Variants in ELP4 observed in about 807,000 individuals in gnomAD.
ELP4 encodes elongator complex protein 4.
A neutral mutation model predicts 48.9 loss-of-function variants in ELP4; 51 were observed. The observed-to-expected ratio is 1.04, with a 90% CI of 0.83 to 1.32. The LOEUF (loss-of-function observed/expected upper bound fraction) is 1.32. ELP4 is among the 40% of genes most tolerant of loss of function. The pLI is 0.00. For synonymous variants in ELP4, 210 were observed against 189.2 expected, an observed-to-expected ratio of 1.11 and a Z score of -0.90; for missense variants, 519 against 514.6, an observed-to-expected ratio of 1.01 and a Z score of -0.08.
At chr11:31,740,883 A>C (rs1461140644) in intron 9 of ELP4, among the ~76,000 whole-genome samples, 1 of 152,012 alleles carries the variant, frequency 6.6e-6, no homozygotes, top group African/African-American at 2.4e-5. Flanking sequence ...GGAGTGCCAG[A>C]CAGTAGGTGC....
chr11:31,709,090 A>G (rs1013791913), intron 9 of ELP4, among the ~76,000 whole-genome samples: 5 of 152,158 alleles, frequency 3.3e-5, no homozygotes, highest in Admixed American at 2.6e-4. Context: ...TCTGATCTAT[A>G]CATCCTGTCA....
At chr11:31,688,211 A>G (rs1592224379) in intron 9 of ELP4, among the ~76,000 whole-genome samples, 1 of 152,292 alleles carries the variant, frequency 6.6e-6, no homozygotes, top group East Asian at 1.9e-4. Context: ...CCCTTTCTAC[A>G]AAGAATGGTG....
At chr11:31,714,834 C>T (rs1036729633) in intron 9 of ELP4, 5 of 398,372 alleles carry the variant, frequency 1.3e-5, no homozygotes, top group African/African-American at 2.1e-5. Flanking sequence ...CTCTCCTTCA[C>T]TTTTAAGGAT....
intron 3 of ELP4, among the ~76,000 whole-genome samples, chr11:31,540,505 G>A (rs60853440): frequency 0.027 from 4,035 of 152,080 alleles, 168 homozygotes; most frequent in African/African-American, 0.092. Context: ...TAATTTTGAA[G>A]AGATGAGGTC....
rs759938671 is a variant in ELP4, at chr11:31,775,572, C to T, written c.1144-7821C>T. On this transcript the variant is annotated intron_variant, in intron 9 of 9. Transcript: ENST00000640961. ...AGGGCAGGATGGACGTGGTAACTGA[C>T]GCCTGTAATCTCAGCACTTTCGGAG... is the stretch of plus-strand genomic sequence containing the variant. Among the ~76,000 whole-genome samples the T allele has an allele frequency of 3.9e-5, 6 of 152,124 alleles. No homozygotes were observed. In the East Asian group the frequency reaches 5.8e-4, roughly 15 times the overall value.
chr11:31,619,470 T>C (rs1320524150), intron 5 of ELP4, among the ~76,000 whole-genome samples: 3 of 151,914 alleles, frequency 2.0e-5, no homozygotes, highest in Non-Finnish European at 4.4e-5. Flanking sequence ...AAGATAAGGG[T>C]GCCAGCATAG....
At chr11:31,738,149 A>G (rs527930343) in intron 9 of ELP4, among the ~76,000 whole-genome samples, 1 of 149,736 alleles carries the variant, frequency 6.7e-6, no homozygotes, top group African/African-American at 2.5e-5. Flanking sequence ...TAATTCCAGC[A>G]CTTTGGGAGA....
chr11:31,760,264 G>C lies in ELP4; in HGVS notation c.1144-23129G>C, dbSNP rs17716464. ...GACTAAGCAGTATCTCATTTATTTG[G>C]CCTGCTGTTTCCTAATGGCACAACT... On this transcript the variant is annotated intron_variant, in intron 9 of 9. Coordinates refer to ENST00000640961, the MANE Select transcript of ELP4 (RefSeq NM_019040.5). Among the ~76,000 whole-genome samples, 538 of 152,206 alleles carry C rather than the reference G, an allele frequency of 3.5e-3. 2 individuals carry two copies. The highest frequency in any genetic ancestry group is 9.8e-3 in the South Asian group (47 of 4,814).
intron 9 of ELP4, among the ~76,000 whole-genome samples, chr11:31,773,563 A>G (rs900577446): frequency 1.3e-5 from 2 of 152,182 alleles, no homozygotes; most frequent in African/African-American, 4.8e-5. Flanking sequence ...AAGCAACTGG[A>G]CACAGAAGCA....
rs573504952 is a variant in ELP4, at chr11:31,641,920, C to T, written c.928-5821C>T. Among the ~76,000 whole-genome samples the T allele has an allele frequency of 3.1e-4, 47 of 151,944 alleles. No homozygotes were observed. In the South Asian group the frequency reaches 8.9e-3, roughly 29 times the overall value. The stretch of plus-strand genomic sequence containing the variant: ...TTAGCAATTGTTTTTCAAGGCAGGG[C>T]GTGAGCTTTTGGACATCTGTGAATT... On this transcript the variant is annotated intron_variant, in intron 7 of 9. Transcript: ENST00000640961.
At chr11:31,763,905 A>T (rs962680979) in intron 9 of ELP4, among the ~76,000 whole-genome samples, 16 of 151,630 alleles carry the variant, frequency 1.1e-4, no homozygotes, top group African/African-American at 2.9e-4. Context: ...TTTTTTTTTT[A>T]AATTGGAAGA....
intron 9 of ELP4, among the ~76,000 whole-genome samples, chr11:31,746,889 A>G (rs1947606294): frequency 6.6e-6 from 1 of 151,424 alleles, no homozygotes; most frequent in Non-Finnish European, 1.5e-5. Flanking sequence ...AAAGTATAAT[A>G]ATAATAATAA....
intron 9 of ELP4, among the ~76,000 whole-genome samples, chr11:31,730,228 A>T (rs1050018852): frequency 6.6e-6 from 1 of 152,124 alleles, no homozygotes; most frequent in Non-Finnish European, 1.5e-5. Context: ...TAATTTATAA[A>T]CAATAGACAT....
At chr11:31,741,590 A>G (rs1463224949) in intron 9 of ELP4, among the ~76,000 whole-genome samples, 4 of 152,284 alleles carry the variant, frequency 2.6e-5, no homozygotes, top group East Asian at 1.9e-4. Flanking sequence ...CAGTTCACCA[A>G]TATCCACTGT....
At chr11:31,740,517 A>G (rs1212257598) in intron 9 of ELP4, among the ~76,000 whole-genome samples, 2 of 152,252 alleles carry the variant, frequency 1.3e-5, no homozygotes, top group Non-Finnish European at 1.5e-5. Flanking sequence ...TTTAGATGCA[A>G]TTAAGTCTGT....
intron 9 of ELP4, among the ~76,000 whole-genome samples, chr11:31,711,338 A>G (rs1946739663): frequency 6.6e-6 from 1 of 152,192 alleles, no homozygotes; most frequent in South Asian, 2.1e-4. Flanking sequence ...TAAACGTTTC[A>G]AAAGTGGTCT....
intron 9 of ELP4, among the ~76,000 whole-genome samples, chr11:31,740,942 A>G (rs1345120804): frequency 1.3e-5 from 2 of 152,258 alleles, no homozygotes; most frequent in Non-Finnish European, 2.9e-5. Flanking sequence ...AGGGCGAGGC[A>G]TCGCCTCACC....
chr11:31,674,517 G>A (rs1399593681), intron 9 of ELP4, among the ~76,000 whole-genome samples: 1 of 152,110 alleles, frequency 6.6e-6, no homozygotes, highest in Non-Finnish European at 1.5e-5. Flanking sequence ...CAACTAATTT[G>A]AATAGAAGTC....
chr11:31,612,006 G>T (rs1232416011), intron 5 of ELP4, among the ~76,000 whole-genome samples: 1 of 152,130 alleles, frequency 6.6e-6, no homozygotes, highest in Non-Finnish European at 1.5e-5. Context: ...AGGAATAGCA[G>T]ATGTGCTAAT....
Sources: gnomAD v4.1 joint callset for allele counts (sites outside exome capture counted in the v4.1 genomes callset) on GRCh38, gnomAD v4.1.1 for gene constraint, MANE v1.5 for transcripts, NCBI Gene and HGNC (gene_info 2026-07-23, HGNC 2026-07-21) for gene names.